TRIM44: variants seen among roughly 807,000 people sequenced by gnomAD.
TRIM44 encodes tripartite motif-containing protein 44.
In TRIM44, 13 loss-of-function variants were observed where a neutral mutation model predicts 37.4. That is an observed-to-expected ratio of 0.35 (90% CI 0.23 to 0.55). The LOEUF is 0.55. Ranked by LOEUF, TRIM44 falls within the 20% of genes least tolerant of loss-of-function variation. The pLI is 0.89. For missense variants in TRIM44, 426 were observed against 437.2 expected, an observed-to-expected ratio of 0.97 and a Z score of 0.23; for synonymous variants, 175 against 157.2, an observed-to-expected ratio of 1.11 and a Z score of -0.85.
chr11:35,671,801 G>A (rs1025018630), intron 1 of TRIM44, among the ~76,000 whole-genome samples: 1 of 152,198 alleles, frequency 6.6e-6, no homozygotes, highest in African/African-American at 2.4e-5. Flanking sequence ...CCTGGACATT[G>A]CTGTATTGCA....
intron 4 of TRIM44, among the ~76,000 whole-genome samples, chr11:35,777,548 C>T (rs908001912): frequency 1.3e-5 from 2 of 152,144 alleles, no homozygotes; most frequent in Non-Finnish European, 2.9e-5. Context: ...TTCCTAGCAT[C>T]GATGGTCTTT....
intron 4 of TRIM44, among the ~76,000 whole-genome samples, chr11:35,782,465 A>C (rs1853078747): frequency 6.6e-6 from 1 of 152,208 alleles, no homozygotes; most frequent in Non-Finnish European, 1.5e-5. Flanking sequence ...TGTTTCACAG[A>C]ATAAATTTGG....
chr11:35,775,549 G>T (rs920535399), intron 4 of TRIM44, among the ~76,000 whole-genome samples: 10 of 152,272 alleles, frequency 6.6e-5, no homozygotes, highest in Non-Finnish European at 1.3e-4. Context: ...TCTTGTGCCA[G>T]TTTTCGAAGG....
At chr11:35,774,016 T>G (rs1186468062) in intron 4 of TRIM44, among the ~76,000 whole-genome samples, 1 of 152,230 alleles carries the variant, frequency 6.6e-6, no homozygotes, top group Non-Finnish European at 1.5e-5. Context: ...CAAATGGTAT[T>G]TCTAGTTCTA....
At chr11:35,690,457 AT>A (rs1469619586) in intron 2 of TRIM44, among the ~76,000 whole-genome samples, 1 of 152,192 alleles carries the variant, frequency 6.6e-6, no homozygotes, top group Non-Finnish European at 1.5e-5. Context: ...ATTGTGTCCT[AT>A]TGTGTCCCAT....
chr11:35,681,605 C>A (rs1473543190), intron 1 of TRIM44, among the ~76,000 whole-genome samples: 1 of 152,184 alleles, frequency 6.6e-6, no homozygotes, highest in Non-Finnish European at 1.5e-5. Flanking sequence ...CTTTGCTAGT[C>A]ATGTTATGTG....
At chr11:35,794,255 T>G (rs1449243236) in intron 4 of TRIM44, among the ~76,000 whole-genome samples, 1 of 152,232 alleles carries the variant, frequency 6.6e-6, no homozygotes, top group East Asian at 1.9e-4. Flanking sequence ...CTTGATATCA[T>G]CCTCATCTCT....
chr11:35,792,072 TACAC>T (rs57127722), intron 4 of TRIM44, among the ~76,000 whole-genome samples: 29 of 136,830 alleles, frequency 2.1e-4, no homozygotes, highest in African/African-American at 6.9e-4. Flanking sequence ...GAGTTGCCCC[TACAC>T]ACACACACAC....
In TRIM44 at chr11:35,798,390, G is replaced by T. The variant is rs377140123; in HGVS notation, c.1008-7968G>T. On this transcript the variant is annotated intron_variant, in intron 4 of 4. Coordinates refer to ENST00000299413, the MANE Select transcript of TRIM44 (RefSeq NM_017583.6). The stretch of plus-strand genomic sequence containing the variant: ...TTTTCCCTTTGGCTTAGTGATTTTG[G>T]GGTCCCGAGATTTATTTTCCTTTCA... Among the ~76,000 whole-genome samples, 10 of 152,192 alleles carry T rather than the reference G, an allele frequency of 6.6e-5. 1 individual carries two copies. The highest frequency in any genetic ancestry group is 4.6e-4 in the Admixed American group (7 of 15,286).
chr11:35,722,087 CTG>C (rs1341853562), intron 2 of TRIM44, among the ~76,000 whole-genome samples: 1 of 152,218 alleles, frequency 6.6e-6, no homozygotes, highest in African/African-American at 2.4e-5. Context: ...GGGGAGGACA[CTG>C]TGCTGTGGGA....
chr11:35,793,513 A>G (rs1288823506), intron 4 of TRIM44, among the ~76,000 whole-genome samples: 1 of 152,148 alleles, frequency 6.6e-6, no homozygotes, highest in African/African-American at 2.4e-5. Context: ...CGACAGAGTG[A>G]GACTCTGTCT....
chr11:35,747,871 T>C (rs1852509878), intron 4 of TRIM44, among the ~76,000 whole-genome samples: 1 of 139,752 alleles, frequency 7.2e-6, no homozygotes, highest in Admixed American at 7.3e-5. Flanking sequence ...GATAATTAAC[T>C]GGGGGGTACG....
Position 35,736,734 on chromosome 11 carries a change from G to T in TRIM44, c.1007+1289G>T, listed in dbSNP as rs374551818. 4.6e-4 allele frequency among the ~76,000 whole-genome samples: 70 copies of T among 152,270 alleles called. 1 individual carries two copies. The South Asian group carries it at 0.015, about 32-fold the overall frequency. ...AGCCACAGGCACCCAACTTTAAAAG[G>T]CATAGGCATCTTGCTTTAAACCTAC... On this transcript the variant is annotated intron_variant, in intron 4 of 4. Coordinates refer to ENST00000299413, the MANE Select transcript of TRIM44 (RefSeq NM_017583.6).
chr11:35,795,410 T>TTCA (rs1853269307), intron 4 of TRIM44, among the ~76,000 whole-genome samples: 2 of 151,856 alleles, frequency 1.3e-5, no homozygotes, highest in East Asian at 3.9e-4. Context: ...CAGGAGATGG[T>TTCA]GGCAGCAGTG....
chr11:35,786,781 C>T (rs986405492), intron 4 of TRIM44, among the ~76,000 whole-genome samples: 1 of 152,082 alleles, frequency 6.6e-6, no homozygotes. Flanking sequence ...TCGGTGTTAG[C>T]GAAAGGTTTC....
At chr11:35,723,361 G>A (rs535182272) in intron 2 of TRIM44, among the ~76,000 whole-genome samples, 1 of 152,256 alleles carries the variant, frequency 6.6e-6, no homozygotes, top group South Asian at 2.1e-4. Context: ...TCAATACAAT[G>A]CTATGTTTAA....
intron 1 of TRIM44, among the ~76,000 whole-genome samples, chr11:35,677,912 T>C (rs1394423101): frequency 6.6e-6 from 1 of 152,192 alleles, no homozygotes; most frequent in Non-Finnish European, 1.5e-5. Context: ...GGAAGCTTTT[T>C]AAGGATCTGA....
At chr11:35,776,247 G>A (rs1375824661) in intron 4 of TRIM44, among the ~76,000 whole-genome samples, 1 of 152,062 alleles carries the variant, frequency 6.6e-6, no homozygotes, top group Non-Finnish European at 1.5e-5. Context: ...TTATTTGCGT[G>A]GAGTTGTTTA....
chr11:35,683,680 T>C (rs7931555), intron 1 of TRIM44, among the ~76,000 whole-genome samples: 8,677 of 152,130 alleles, frequency 0.057, 822 homozygotes, highest in African/African-American at 0.2. Context: ...TTCCTACCTA[T>C]CTGATAGAGT....
Sources: gnomAD v4.1 joint callset for allele counts (sites outside exome capture counted in the v4.1 genomes callset) on GRCh38, gnomAD v4.1.1 for gene constraint, MANE v1.5 for transcripts, NCBI Gene and HGNC (gene_info 2026-07-23, HGNC 2026-07-21) for gene names.